The following TRIOBP variants were observed in gnomAD, a reference collection of about 807,000 sequenced individuals.
TRIOBP encodes the protein TRIO and F-actin binding protein.
Under a neutral mutation model 238.8 loss-of-function variants are expected in TRIOBP, and 169 were observed. The ratio of observed to expected loss-of-function variants is 0.71; its 90% CI spans 0.62 to 0.80. TRIOBP has a LOEUF of 0.80. Ranked by LOEUF, TRIOBP falls within the 30% of genes least tolerant of loss-of-function variation. The pLI is 0.00. For missense variants in TRIOBP, 2,838 were observed against 3,122.6 expected (o/e 0.91, Z 2.17); for synonymous variants, 1,150 against 1,274.4 (o/e 0.90, Z 2.08).
In TRIOBP at chr22:37,735,256, T is replaced by C. The variant is rs746747277; in HGVS notation, c.4920T>C (p.Asn1640=). ...PEGWAEATPV[N]GHSPALQSQS... ...GCTGGGCCGAGGCCACCCCAGTCAA[T>C]GGACACAGCCCCGCACTGCAGTCCC... is the stretch of plus-strand genomic sequence containing the variant. Residue 1640 remains asparagine (N), a synonymous_variant, in exon 9 of 24, where the codon AAT becomes AAC. Coordinates refer to ENST00000644935, the MANE Select transcript of TRIOBP (RefSeq NM_001039141.3). 1.6e-5 allele frequency: 25 copies of C among 1,603,910 alleles called. No homozygotes were observed. The highest frequency in any genetic ancestry group is 2.2e-5 in the East Asian group (1 of 44,550).
chr22:37,721,504 G>A (rs1923827903), intron 6 of TRIOBP, among the ~76,000 whole-genome samples: 1 of 152,194 alleles, frequency 6.6e-6, no homozygotes, highest in Non-Finnish European at 1.5e-5. Context: ...TTAAGACAAT[G>A]TCTTGCTCTG....
chr22:37,761,725 C>T (rs1019265725), intron 17 of TRIOBP, among the ~76,000 whole-genome samples: 22 of 151,708 alleles, frequency 1.5e-4, no homozygotes, highest in African/African-American at 4.1e-4. Flanking sequence ...GCCCGGAGAC[C>T]GTCCTGGGGC....
chr22:37,730,946 CAAAAAAA>C (rs11316099), intron 7 of TRIOBP, among the ~76,000 whole-genome samples: 2 of 83,848 alleles, frequency 2.4e-5, no homozygotes, highest in African/African-American at 5.1e-5. Context: ...GACTCCATCT[CAAAAAAA>C]AAAAAAAAAA....
rs569630050 is a variant in TRIOBP, at chr22:37,725,883, T to C, written c.3327T>C (p.Pro1109=). ...QSPQHEPLQL[P]APVCIGYRDA... ...CCCAACACGAGCCCCTTCAGCTCCC[T>C]GCACCTGTGTGTATTGGGTACCGAG... Residue 1109 remains proline, a synonymous_variant, in exon 7 of 24, where the codon CCT becomes CCC. Coordinates refer to ENST00000644935, the MANE Select transcript of TRIOBP (RefSeq NM_001039141.3). 2 of 1,600,262 alleles carry C rather than the reference T, an allele frequency of 1.2e-6. No homozygotes were observed. Among genetic ancestry groups the C allele is most frequent in the Middle Eastern group, 1.7e-4 (1 of 5,998 alleles).
At chr22:37,707,206 G>A (rs1416390362) in intron 3 of TRIOBP, among the ~76,000 whole-genome samples, 1 of 152,014 alleles carries the variant, frequency 6.6e-6, no homozygotes, top group Non-Finnish European at 1.5e-5. Context: ...AATCCGGGAG[G>A]CGGAGGTTGC....
intron 3 of TRIOBP, among the ~76,000 whole-genome samples, chr22:37,704,346 G>A (rs889548590): frequency 6.6e-6 from 1 of 151,538 alleles, no homozygotes; most frequent in African/African-American, 2.4e-5. Flanking sequence ...TCGCATTACT[G>A]TATTTCAGCC....
At chr22:37,705,259 C>T (rs1236117402) in intron 3 of TRIOBP, among the ~76,000 whole-genome samples, 1 of 151,842 alleles carries the variant, frequency 6.6e-6, no homozygotes. Context: ...CCTGTAATCC[C>T]AGGTACTTAG....
At chr22:37,768,303 G>T (rs976669164) in intron 19 of TRIOBP, 127 bp downstream of exon 19, 1 of 794,160 alleles carries the variant, frequency 1.3e-6, no homozygotes, top group Non-Finnish European at 2.1e-6. Flanking sequence ...TCTCATGGAT[G>T]CAAGAAACAG....
chr22:37,750,743 C>T (rs1391295678), intron 11 of TRIOBP: 2 of 470,888 alleles, frequency 4.2e-6, no homozygotes, highest in East Asian at 1.4e-4. Flanking sequence ...TGGTCCACTT[C>T]CTATACCTGA....
Position 37,715,879 on chromosome 22 carries a change from GTC to G in TRIOBP, c.578_579del (p.Leu193ProfsTer81). On this transcript the variant is annotated frameshift_variant, in exon 6 of 24. Transcript: ENST00000644935. LOFTEE classifies it high-confidence loss of function. ...GAGCTGACAGCTCCCAAAGGGCTCC[GTC>G]TCTCCTCACCAGGTCCCCTGTGGGA... ...PRADSSQRAP[S>X]LLTRSPVGGD... The G allele has an allele frequency of 1.9e-6, 3 of 1,613,688 alleles. No homozygotes were observed. The highest frequency in any genetic ancestry group is 2.5e-6 in the Non-Finnish European group (3 of 1,179,926).
chr22:37,772,743 G>T lies in TRIOBP; in HGVS notation c.7079G>T (p.Arg2360Leu), dbSNP rs373460457. 22 of 1,613,584 alleles carry T rather than the reference G, an allele frequency of 1.4e-5. No individual in the cohort carries two copies. The highest frequency in any genetic ancestry group is 1.7e-4 in the Middle Eastern group (1 of 6,060). The change falls in exon 23 of 24, where the codon CGC becomes CTC. Residue 2360 changes from arginine (R) to leucine (L), a missense_variant. Physicochemically the swap from Arg to Leu is moderately radical, Grantham distance 102 (BLOSUM62 -2). Around this residue, in one of 5 missense-constraint regions of TRIOBP, gnomAD observed 2,096 missense variants for 2,137.4 expected, o/e 0.98. Coordinates refer to ENST00000644935, the MANE Select transcript of TRIOBP (RefSeq NM_001039141.3). ...MAALQEKESM[R>L]NSLAE ...GCCCTCCAGGAGAAGGAGTCGATGCGCAACAGCCTGGCTGAGTAGAGGTGG... is the reference window on the plus strand; with the variant it reads ...GCCCTCCAGGAGAAGGAGTCGATGCTCAACAGCCTGGCTGAGTAGAGGTGG...
intron 2 of TRIOBP, among the ~76,000 whole-genome samples, chr22:37,699,601 G>A (rs1922539691): frequency 6.6e-6 from 1 of 152,002 alleles, no homozygotes; most frequent in Non-Finnish European, 1.5e-5. Context: ...GAGTACAGTG[G>A]TGCAATCTTG....
intron 22 of TRIOBP, 40 bp downstream of exon 22, chr22:37,771,776 G>C (rs974302034): frequency 6.3e-7 from 1 of 1,587,110 alleles, no homozygotes; most frequent in South Asian, 1.1e-5. Context: ...CGGGGACTCT[G>C]GAGCCATCTG....
Position 37,772,620 on chromosome 22 carries a change from G to T in TRIOBP, c.6956G>T (p.Gly2319Val). The part of the protein sequence containing the change: ...MMQKDKRFTS[G>V]KYQDVYVELS... Reference sequence around the variant, plus strand: ...CCCCAGGACAAGCGCTTCACCTCGGGAAAGTACCAGGACGTCTATGTGGAG... The same window carrying T: ...CCCCAGGACAAGCGCTTCACCTCGGTAAAGTACCAGGACGTCTATGTGGAG... The change falls in exon 23 of 24, where the codon GGA becomes GTA. Residue 2319 changes from glycine (G) to valine (V), a missense_variant. Physicochemically the swap from Gly to Val is moderately radical, Grantham distance 109. Around this residue, in one of 5 missense-constraint regions of TRIOBP, gnomAD observed 2,096 missense variants for 2,137.4 expected, o/e 0.98. Transcript: ENST00000644935. The T allele has an allele frequency of 6.2e-7, 1 of 1,614,132 alleles. No homozygotes were observed. Among genetic ancestry groups the T allele is most frequent in the East Asian group, 2.2e-5 (1 of 44,866 alleles).
rs1033613770 is a variant in TRIOBP, at chr22:37,701,328, T to C, written c.-38T>C. 6.5e-7 allele frequency: 1 copy of C among 1,541,238 alleles called. No homozygotes were observed. Among genetic ancestry groups the C allele is most frequent in the Admixed American group, 1.8e-5 (1 of 56,082 alleles). On this transcript the variant is annotated 5_prime_UTR_variant, in exon 3 of 24. Transcript: ENST00000644935. ...CAGGCCTCACATAGACGGTCAGCCA[T>C]TGGATCATAGGAACTGCCCTGGCCT...
At chr22:37,701,201 C>T (rs375940367) in intron 2 of TRIOBP, 105 bp from the exon 3 acceptor site, 12 of 617,480 alleles carry the variant, frequency 1.9e-5, no homozygotes, top group Middle Eastern at 8.3e-4. Context: ...GGATGAGTAA[C>T]CTTATTTCCT....
At chr22:37,757,326 C>G (rs571213222) in intron 15 of TRIOBP, among the ~76,000 whole-genome samples, 122 of 152,280 alleles carry the variant, frequency 8.0e-4, no homozygotes, top group African/African-American at 2.8e-3. Flanking sequence ...TCACACCACT[C>G]TACTTCAGCC....
At chr22:37,760,573 T>G (rs1028527984) in intron 17 of TRIOBP, among the ~76,000 whole-genome samples, 9 of 152,202 alleles carry the variant, frequency 5.9e-5, no homozygotes, top group African/African-American at 2.2e-4. Flanking sequence ...CATAGTTAAT[T>G]TAAAGTATAT....
chr22:37,743,679 A>G (rs1925050763), intron 11 of TRIOBP, among the ~76,000 whole-genome samples: 1 of 152,190 alleles, frequency 6.6e-6, no homozygotes, highest in Non-Finnish European at 1.5e-5. Context: ...TGTAGGGAGC[A>G]CTGGGCCAGC....
Sources: gnomAD v4.1 joint callset for allele counts (sites outside exome capture counted in the v4.1 genomes callset) on GRCh38, gnomAD v4.1.1 for gene constraint, gnomAD v4.1.1 regional missense constraint, MANE v1.5 for transcripts, NCBI Gene and HGNC (gene_info 2026-07-23, HGNC 2026-07-21) for gene names.